The following MCC variants were observed in gnomAD, a reference collection of about 807,000 sequenced individuals.
MCC encodes the protein colorectal mutant cancer protein.
Under a neutral mutation model 116.2 loss-of-function variants are expected in MCC, and 90 were observed. The observed-to-expected ratio is 0.77, with a 90% confidence interval of 0.65 to 0.92. The LOEUF is 0.92. Among genes scored for constraint, MCC ranks in the 40% least tolerant of loss-of-function variants. MCC has a pLI of 0.00. For missense variants in MCC, 1,516 were observed against 1,312.2 expected (o/e 1.16, Z -2.40); for synonymous variants, 578 against 510.5 (o/e 1.13, Z -1.78).
At chr5:113,317,536 T>C (rs945814775) in intron 3 of MCC, among the ~76,000 whole-genome samples, 1 of 152,194 alleles carries the variant, frequency 6.6e-6, no homozygotes, top group Middle Eastern at 3.2e-3. Context: ...CATAAAGGGA[T>C]GTTTATGGCC....
At position 113,444,023 on chromosome 5, in the gene MCC, T is replaced by G. The variant is rs990004303; in HGVS notation, c.170+44222A>C. On this transcript the variant is annotated intron_variant, in intron 1 of 18. Coordinates refer to ENST00000408903, the MANE Select transcript of MCC (RefSeq NM_001085377.2). ...TGTGTGTGTGTGTGTGTGTGTGTGT[T>G]TAGTAGAGATGGGGTTTCGCCAAGT... 2.5e-4 allele frequency among the ~76,000 whole-genome samples: 26 copies of G among 102,406 alleles called. 2 individuals carry two copies. The highest frequency in any genetic ancestry group is 7.9e-4 in the Admixed American group (9 of 11,368). The allele number at this position is 102,406 out of a possible 152,430, so 67.2% of individuals were successfully genotyped here. A position where few individuals can be genotyped will look rare whatever the true frequency, so the allele number is the denominator to read the frequency against.
At chr5:113,396,112 G>C (rs150406299) in intron 1 of MCC, among the ~76,000 whole-genome samples, 4,903 of 152,224 alleles carry the variant, frequency 0.032, 105 homozygotes, top group East Asian at 0.075. Flanking sequence ...AGGATTGCTT[G>C]AGCTCAGGAG....
intron 1 of MCC, among the ~76,000 whole-genome samples, chr5:113,429,510 A>G (rs911625015): frequency 1.6e-4 from 25 of 152,190 alleles, no homozygotes; most frequent in African/African-American, 6.0e-4. Flanking sequence ...AGGGACATGT[A>G]ATGCAAGTAA....
At chr5:113,162,556 G>GC (rs1760549142) in intron 3 of MCC, among the ~76,000 whole-genome samples, 1 of 152,070 alleles carries the variant, frequency 6.6e-6, no homozygotes, top group Admixed American at 6.6e-5. Flanking sequence ...GAATGCAGTG[G>GC]CAAGAACACA....
At chr5:113,332,120 T>G (rs1333018141) in intron 3 of MCC, among the ~76,000 whole-genome samples, 2 of 151,750 alleles carry the variant, frequency 1.3e-5, no homozygotes, top group Non-Finnish European at 2.9e-5. Context: ...TAGAATTTTT[T>G]TAGTTTCTAT....
chr5:113,072,806 T>C lies in MCC; in HGVS notation c.1785-1572A>G, dbSNP rs116547823. Among the ~76,000 whole-genome samples the C allele has an allele frequency of 2.5e-3, 381 of 152,342 alleles. 5 individuals carry two copies. The highest frequency in any genetic ancestry group is 8.6e-3 in the African/African-American group (358 of 41,576). On this transcript the variant is annotated intron_variant, in intron 11 of 18. Coordinates refer to ENST00000408903, the MANE Select transcript of MCC (RefSeq NM_001085377.2). ...TGCTCCGCTGGCTCACAACTTTCTCTAGCCCAGCGCTTTCTTCTGAGGGCC... is the reference window on the plus strand; with the variant it reads ...TGCTCCGCTGGCTCACAACTTTCTCCAGCCCAGCGCTTTCTTCTGAGGGCC...
intron 3 of MCC, among the ~76,000 whole-genome samples, chr5:113,304,653 T>C (rs1766940503): frequency 6.6e-6 from 1 of 152,212 alleles, no homozygotes; most frequent in Non-Finnish European, 1.5e-5. Context: ...ATTCAGAGTA[T>C]CTTTCAAAAA....
At chr5:113,099,242 T>C (rs1323624336) in intron 8 of MCC, among the ~76,000 whole-genome samples, 1 of 152,172 alleles carries the variant, frequency 6.6e-6, no homozygotes, top group African/African-American at 2.4e-5. Flanking sequence ...GTAACTGAAA[T>C]AAAAATTATA....
chr5:113,225,567 T>C (rs1238029202), intron 3 of MCC, among the ~76,000 whole-genome samples: 1 of 152,200 alleles, frequency 6.6e-6, no homozygotes, highest in Admixed American at 6.5e-5. Context: ...TCATACAGCC[T>C]GAACTTAAAG....
intron 3 of MCC, among the ~76,000 whole-genome samples, chr5:113,290,430 C>T (rs1349382871): frequency 6.6e-6 from 1 of 152,042 alleles, no homozygotes; most frequent in Non-Finnish European, 1.5e-5. Flanking sequence ...TTTTCATCTC[C>T]AGAGGTTATG....
intron 1 of MCC, among the ~76,000 whole-genome samples, chr5:113,479,341 G>A (rs1337802825): frequency 2.0e-5 from 3 of 152,206 alleles, no homozygotes; most frequent in African/African-American, 7.2e-5. Context: ...TGACTAGGAA[G>A]GGGCACAGGA....
chr5:113,463,496 G>A (rs1337119776), intron 1 of MCC, among the ~76,000 whole-genome samples: 1 of 152,192 alleles, frequency 6.6e-6, no homozygotes. Flanking sequence ...AAATCAACAT[G>A]GGAGTTCATG....
intron 5 of MCC, among the ~76,000 whole-genome samples, chr5:113,125,524 C>G (rs73239119): frequency 0.011 from 1,604 of 152,264 alleles, 26 homozygotes; most frequent in African/African-American, 0.036. Flanking sequence ...AGCTGCATAT[C>G]CTTATCTCTC....
intron 1 of MCC, among the ~76,000 whole-genome samples, chr5:113,453,227 C>T (rs1222199269): frequency 6.6e-6 from 1 of 152,036 alleles, no homozygotes; most frequent in East Asian, 1.9e-4. Flanking sequence ...AGGTCTGAAA[C>T]TCCTCCAATG....
intron 3 of MCC, among the ~76,000 whole-genome samples, chr5:113,213,017 G>GC (rs1554067170): frequency 6.6e-6 from 1 of 151,772 alleles, no homozygotes; most frequent in Non-Finnish European, 1.5e-5. Context: ...AAGTGTACTT[G>GC]TTTTTTTTGT....
intron 3 of MCC, among the ~76,000 whole-genome samples, chr5:113,198,293 C>T (rs1186661905): frequency 1.3e-5 from 2 of 152,138 alleles, no homozygotes; most frequent in Non-Finnish European, 2.9e-5. Context: ...CACCTCAGCA[C>T]CTAACACCTA....
chr5:113,030,154 A>G (rs909902296), intron 17 of MCC, among the ~76,000 whole-genome samples: 8 of 152,352 alleles, frequency 5.3e-5, no homozygotes, highest in Admixed American at 3.9e-4. Flanking sequence ...ACAGTTGGGT[A>G]GGATCTAGCA....
intron 1 of MCC, among the ~76,000 whole-genome samples, chr5:113,427,914 A>C (rs2150409624): frequency 6.6e-6 from 1 of 152,314 alleles, no homozygotes; most frequent in South Asian, 2.1e-4. Flanking sequence ...AAGCAATCTC[A>C]GGAAAAAAAA....
chr5:113,054,262 C>T (rs1443480538), intron 14 of MCC, among the ~76,000 whole-genome samples: 2 of 152,062 alleles, frequency 1.3e-5, no homozygotes, highest in East Asian at 1.9e-4. Context: ...ATCTAAAATA[C>T]AGTTTAGTGA....
Sources: allele counts gnomAD v4.1 joint callset (sites outside exome capture counted in the v4.1 genomes callset), GRCh38; gene constraint gnomAD v4.1.1; transcripts MANE v1.5; gene names NCBI Gene and HGNC (gene_info 2026-07-23, HGNC 2026-07-21).